The following PARD3 variants were observed in gnomAD, a reference collection of about 807,000 sequenced individuals.
PARD3 encodes partitioning defective 3 homolog.
PARD3 carries 75 observed loss-of-function variants against 155.4 expected under a neutral mutation model. The ratio of observed to expected loss-of-function variants is 0.48; its 90% CI spans 0.40 to 0.58. The LOEUF is 0.58. PARD3 is among the 20% of genes least tolerant of loss of function. PARD3 has a pLI of 0.00. For synonymous variants in PARD3, 576 were observed against 610.5 expected (o/e 0.94, Z 0.83); for missense variants, 1,642 against 1,721.7 (o/e 0.95, Z 0.82).
intron 3 of PARD3, among the ~76,000 whole-genome samples, chr10:34,485,423 G>C (rs1407097717): frequency 6.6e-6 from 1 of 152,120 alleles, no homozygotes; most frequent in African/African-American, 2.4e-5. Context: ...ATTGCCCAAG[G>C]TGATTTGTTA....
intron 10 of PARD3, among the ~76,000 whole-genome samples, chr10:34,376,687 A>G (rs1589361831): frequency 1.3e-5 from 2 of 152,212 alleles, no homozygotes; most frequent in East Asian, 3.9e-4. Context: ...CTAGGCTCCA[A>G]ATGTAGACAT....
chr10:34,701,977 A>C (rs2094288184), intron 1 of PARD3, among the ~76,000 whole-genome samples: 1 of 152,244 alleles, frequency 6.6e-6, no homozygotes, highest in Admixed American at 6.5e-5. Flanking sequence ...AGCCTGGCCA[A>C]CATGGTGAAA....
chr10:34,333,797 G>A (rs1313958597), intron 18 of PARD3, among the ~76,000 whole-genome samples: 1 of 151,908 alleles, frequency 6.6e-6, no homozygotes, highest in African/African-American at 2.4e-5. Context: ...GAAAAAGCTT[G>A]CTAACATTCG....
At chr10:34,480,782 A>T (rs1480496325) in intron 3 of PARD3, among the ~76,000 whole-genome samples, 2 of 147,402 alleles carry the variant, frequency 1.4e-5, no homozygotes, top group Non-Finnish European at 3.0e-5. Context: ...GTACATCTGC[A>T]GGTTTCTTTT....
chr10:34,135,992 C>T (rs561599507), intron 22 of PARD3, among the ~76,000 whole-genome samples: 3 of 152,332 alleles, frequency 2.0e-5, no homozygotes, highest in South Asian at 4.1e-4. Context: ...AGAAAGACAG[C>T]TTTCTCTCCC....
chr10:34,545,075 C>A (rs2083935053), intron 2 of PARD3, among the ~76,000 whole-genome samples: 1 of 152,186 alleles, frequency 6.6e-6, no homozygotes, highest in South Asian at 2.1e-4. Context: ...AGCTTCAAAA[C>A]CCAACATGCA....
intron 24 of PARD3, among the ~76,000 whole-genome samples, chr10:34,115,856 G>A (rs1946643696): frequency 1.3e-5 from 2 of 151,704 alleles, no homozygotes; most frequent in South Asian, 2.1e-4. Flanking sequence ...GGGACTACAC[G>A]CGCCCACCAC....
intron 1 of PARD3, among the ~76,000 whole-genome samples, chr10:34,750,029 GTA>G (rs1491424466): frequency 3.2e-5 from 3 of 93,348 alleles, no homozygotes; most frequent in Non-Finnish European, 4.1e-5. Context: ...CTCAAAAAAA[GTA>G]CACACACACA....
chr10:34,189,922 T>C (rs1950634217), intron 22 of PARD3, among the ~76,000 whole-genome samples: 1 of 152,252 alleles, frequency 6.6e-6, no homozygotes, highest in Non-Finnish European at 1.5e-5. Flanking sequence ...AACTTCTGTC[T>C]ACCATCATGA....
intron 14 of PARD3, 63 bp from the exon 15 acceptor site, chr10:34,348,178 G>A (rs1438438012): frequency 3.5e-6 from 5 of 1,434,914 alleles, no homozygotes; most frequent in Non-Finnish European, 4.7e-6. Context: ...TAGCAGCATG[G>A]GAGAATTATA....
intron 1 of PARD3, among the ~76,000 whole-genome samples, chr10:34,806,667 T>A (rs1298186171): frequency 2.0e-5 from 3 of 152,180 alleles, no homozygotes; most frequent in African/African-American, 7.2e-5. Context: ...CTGAATAGCA[T>A]CCATTTGACC....
chr10:34,267,928 G>C (rs754146260), intron 22 of PARD3, among the ~76,000 whole-genome samples: 1 of 152,146 alleles, frequency 6.6e-6, no homozygotes, highest in Non-Finnish European at 1.5e-5. Context: ...ACTAAAGCTT[G>C]AGAGCCCCTG....
chr10:34,667,243 A>G (rs1474806604), intron 2 of PARD3, among the ~76,000 whole-genome samples: 1 of 152,202 alleles, frequency 6.6e-6, no homozygotes, highest in Non-Finnish European at 1.5e-5. Flanking sequence ...AAAATGAACA[A>G]ATCATCTGCA....
chr10:34,367,504 G>C (rs1840083822), intron 12 of PARD3, among the ~76,000 whole-genome samples: 1 of 152,096 alleles, frequency 6.6e-6, no homozygotes, highest in South Asian at 2.1e-4. Flanking sequence ...AAGAGATCAA[G>C]ACCATCCTGG....
chr10:34,390,549 A>G lies in PARD3; in HGVS notation c.891-6295T>C, dbSNP rs146208616. Among the ~76,000 whole-genome samples the G allele has an allele frequency of 6.6e-5, 10 of 152,332 alleles. No individual in the cohort carries two copies. In the East Asian group the frequency reaches 1.9e-3, roughly 29 times the overall value. ...GTCATGATTCCTATCCTTCATATGT[A>G]AGGAGTAGGGCTAAGTGAGGCTAAC... On this transcript the variant is annotated intron_variant, in intron 7 of 24. Transcript: ENST00000374788.
chr10:34,320,787 GT>G (rs1251442318), intron 19 of PARD3, among the ~76,000 whole-genome samples: 3 of 152,204 alleles, frequency 2.0e-5, no homozygotes, highest in Non-Finnish European at 4.4e-5. Context: ...CCAGTGGACT[GT>G]TTAAAATGAC....
At chr10:34,290,819 G>C (rs1660644) in intron 20 of PARD3, among the ~76,000 whole-genome samples, 21,342 of 152,104 alleles carry the variant, frequency 0.14, 1,785 homozygotes, top group African/African-American at 0.23. Context: ...AGATCCTTGA[G>C]AGATACCAGC....
chr10:34,154,955 G>C (rs946637625), intron 22 of PARD3, among the ~76,000 whole-genome samples: 1 of 152,204 alleles, frequency 6.6e-6, no homozygotes, highest in African/African-American at 2.4e-5. Flanking sequence ...TGAGAATACA[G>C]AGGTGTGACA....
intron 5 of PARD3, among the ~76,000 whole-genome samples, chr10:34,441,389 T>A (rs573615262): frequency 1.3e-5 from 2 of 152,220 alleles, no homozygotes; most frequent in African/African-American, 4.8e-5. Context: ...GGTATGATTT[T>A]CCCCATTTTG....
Sources: gnomAD v4.1 joint callset for allele counts (sites outside exome capture counted in the v4.1 genomes callset) on GRCh38, gnomAD v4.1.1 for gene constraint, MANE v1.5 for transcripts, NCBI Gene and HGNC (gene_info 2026-07-23, HGNC 2026-07-21) for gene names.